Variants in CD99 observed in about 807,000 individuals in gnomAD.
CD99 encodes CD99 molecule (Xg blood group), also known as CD99 antigen.
CD99 carries 19 observed loss-of-function variants against 28.4 expected under a neutral mutation model. The observed-to-expected ratio is 0.67, with a 90% CI of 0.47 to 0.98. CD99 has a LOEUF of 0.98. Among genes scored for constraint, CD99 ranks in the 50% least tolerant of loss-of-function variants. The pLI is 0.00. For synonymous variants in CD99, 103 were observed against 92.1 expected (o/e 1.12, Z -0.67); for missense variants, 283 against 248.8 (o/e 1.14, Z -0.92).
intron 5 of CD99, among the ~76,000 whole-genome samples, chrX:2,721,899 A>G (rs931778865): frequency 3.9e-5 from 6 of 152,186 alleles, no homozygotes; most frequent in African/African-American, 1.4e-4. Flanking sequence ...CTTTGAAGAC[A>G]TTTCTAGCAT....
chrX:2,717,598 T>C lies in CD99; in HGVS notation c.101-7T>C, dbSNP rs755099142. ...CTTTTACTAACTGAAATATCTTATCTCTTTAGACAATGAAAACAAGAAACC... is the reference window on the plus strand; with the variant it reads ...CTTTTACTAACTGAAATATCTTATCCCTTTAGACAATGAAAACAAGAAACC... On this transcript the variant is annotated splice_polypyrimidine_tract_variant and splice_region_variant and intron_variant, in intron 2 of 9. Coordinates refer to ENST00000381192, the MANE Select transcript of CD99 (RefSeq NM_002414.5). The C allele has an allele frequency of 1.2e-6, 2 of 1,612,290 alleles. No homozygotes were observed. The highest frequency in any genetic ancestry group is 1.1e-5 in the South Asian group (1 of 91,046).
rs2049293631 is a variant in CD99 at position 2,726,519 on chromosome X, T to TC, written c.475+147dup. ...TCGTGAAACTGCTAAAATTCTGGAA[T>TC]CGAACCTTCTGGCTTTGATTTCAGG... On this transcript the variant is annotated intron_variant, in intron 8 of 9. Coordinates refer to ENST00000381192, the MANE Select transcript of CD99 (RefSeq NM_002414.5). 15 of 704,640 alleles carry TC rather than the reference T, an allele frequency of 2.1e-5. No homozygotes were observed. The South Asian group carries it at 2.2e-4, about 11-fold the overall frequency. The allele number at this position is 704,640 out of a possible 1,614,324, so 43.6% of individuals were successfully genotyped here. A position where few individuals can be genotyped will look rare whatever the true frequency, so the allele number is the denominator to read the frequency against.
intron 2 of CD99, 142 bp from the exon 3 acceptor site, chrX:2,717,463 C>T (rs1204232451): frequency 1.6e-5 from 11 of 681,986 alleles, no homozygotes; most frequent in South Asian, 7.3e-5. Flanking sequence ...AACCTCAGCT[C>T]GGTGTGGGCA....
intron 7 of CD99, 87 bp downstream of exon 7, chrX:2,723,451 C>A: frequency 1.4e-6 from 2 of 1,459,258 alleles, no homozygotes; most frequent in Non-Finnish European, 1.9e-6. Context: ...GCGGACTGCA[C>A]TGGCATTGGC....
chrX:2,738,383 C>T (rs779972819), intron 9 of CD99, 127 bp downstream of exon 9: 1 of 859,716 alleles, frequency 1.2e-6, no homozygotes, highest in Admixed American at 1.9e-5. Context: ...GAATGTCTTC[C>T]TTTATGTCTC....
intron 2 of CD99, among the ~76,000 whole-genome samples, chrX:2,717,220 C>T (rs758833203): frequency 5.0e-4 from 76 of 152,102 alleles, no homozygotes; most frequent in African/African-American, 1.8e-3. Flanking sequence ...TGATGGCATG[C>T]ACCTGTAAGC....
chrX:2,724,970 G>A lies in CD99; in HGVS notation c.362-1290G>A, dbSNP rs752564749. 2.0e-5 allele frequency among the ~76,000 whole-genome samples: 3 copies of A among 150,418 alleles called. No homozygotes were observed. In the East Asian group the frequency reaches 5.9e-4, roughly 29 times the overall value. ...CCAGCTACTTGGGAGGCTGAGGCAGGAGAATAGCTTGAACCCGGGACGCAG... is the reference window on the plus strand; with the variant it reads ...CCAGCTACTTGGGAGGCTGAGGCAGAAGAATAGCTTGAACCCGGGACGCAG... On this transcript the variant is annotated intron_variant, in intron 7 of 9. Transcript: ENST00000381192.
intron 1 of CD99, among the ~76,000 whole-genome samples, chrX:2,705,010 C>T (rs146743744): frequency 0.011 from 1,740 of 152,342 alleles, 12 homozygotes; most frequent in Non-Finnish European, 0.02. Context: ...CCACTGTACC[C>T]GGCCACCTAT....
Position 2,740,903 on chromosome X carries a change from G to T in CD99, c.*99G>T, listed in dbSNP as rs2050162017. ...ACACCTGCCTGAGAGCAGAGATGGA[G>T]GCCTTCTGTTCACGGCGGATTCTTT... On this transcript the variant is annotated 3_prime_UTR_variant, in exon 10 of 10. Transcript: ENST00000381192. 2 of 1,282,794 alleles carry T rather than the reference G, an allele frequency of 1.6e-6. No individual in the cohort carries two copies. Among genetic ancestry groups the T allele is most frequent in the Non-Finnish European group, 2.3e-6 (2 of 878,212 alleles). The allele number at this position is 1,282,794 out of a possible 1,614,324, so 79.5% of individuals were successfully genotyped here. A position where few individuals can be genotyped will look rare whatever the true frequency, so the allele number is the denominator to read the frequency against.
chrX:2,729,723 A>G (rs1016617379), intron 8 of CD99, among the ~76,000 whole-genome samples: 28 of 152,272 alleles, frequency 1.8e-4, no homozygotes, highest in African/African-American at 5.1e-4. Context: ...CTTTTCCTCT[A>G]CCTTATCCGC....
intron 3 of CD99, chrX:2,717,932 C>A: frequency 6.8e-6 from 2 of 293,548 alleles, no homozygotes; most frequent in Non-Finnish European, 1.2e-5. Context: ...TTTAGATTTT[C>A]TTCCCTTTTT....
chrX:2,728,960 A>T (rs1287392275), intron 8 of CD99, among the ~76,000 whole-genome samples: 1 of 150,574 alleles, frequency 6.6e-6, no homozygotes, highest in Non-Finnish European at 1.5e-5. Context: ...CCTCCGAAGT[A>T]ACTGGAATTA....
chrX:2,700,395 A>G (rs1483071574), intron 1 of CD99, among the ~76,000 whole-genome samples: 3 of 151,852 alleles, frequency 2.0e-5, no homozygotes, highest in Admixed American at 6.6e-5. Flanking sequence ...CCATCCAGCC[A>G]TGCATCCTCC....
intron 8 of CD99, among the ~76,000 whole-genome samples, chrX:2,729,794 G>A (rs911291627): frequency 6.6e-6 from 1 of 152,058 alleles, no homozygotes; most frequent in African/African-American, 2.4e-5. Flanking sequence ...TGCAGGAGGT[G>A]GGGCAGGCAT....
intron 1 of CD99, among the ~76,000 whole-genome samples, chrX:2,703,454 T>G (rs2047965755): frequency 6.6e-6 from 1 of 152,172 alleles, no homozygotes; most frequent in Non-Finnish European, 1.5e-5. Context: ...AAAACGCGCT[T>G]AGGTAGTGAT....
Position 2,714,446 on chromosome X carries a change from C to T in CD99, c.92C>T (p.Ala31Val). ...GATGGTGGTTTCGATTTATCCGATGCCCTTCCTGGTGAGTATCAACATCAT... is the reference window on the plus strand; with the variant it reads ...GATGGTGGTTTCGATTTATCCGATGTCCTTCCTGGTGAGTATCAACATCAT... ...APDGGFDLSD[A>V]LPDNENKKPT... Residue 31 changes from alanine (A) to valine (V), a missense_variant, in exon 2 of 10, where the codon GCC (alanine) becomes GTC (valine). By Grantham distance (64) the Ala-to-Val change is moderately conservative (BLOSUM62 0). Transcript: ENST00000381192. The T allele has an allele frequency of 6.2e-7, 1 of 1,600,130 alleles. No individual in the cohort carries two copies. The highest frequency in any genetic ancestry group is 8.6e-7 in the Non-Finnish European group (1 of 1,168,382).
intron 1 of CD99, among the ~76,000 whole-genome samples, chrX:2,711,390 GTATA>G (rs1422639770): frequency 7.2e-6 from 1 of 139,070 alleles, no homozygotes; most frequent in East Asian, 2.0e-4. Context: ...TATAGTATGT[GTATA>G]TATAGTATGT....
At chrX:2,732,542 T>C (rs1161373710) in intron 8 of CD99, among the ~76,000 whole-genome samples, 5 of 143,976 alleles carry the variant, frequency 3.5e-5, no homozygotes, top group African/African-American at 1.3e-4. Context: ...TTTCTCTTTC[T>C]TCCTTTGCCC....
intron 8 of CD99, among the ~76,000 whole-genome samples, chrX:2,726,926 A>T (rs1264191001): frequency 5.3e-5 from 8 of 152,110 alleles, no homozygotes; most frequent in Admixed American, 6.6e-5. Flanking sequence ...CGAGGTCAGG[A>T]GGAGATCGAG....
Sources: allele counts gnomAD v4.1 joint callset (sites outside exome capture counted in the v4.1 genomes callset), GRCh38; gene constraint gnomAD v4.1.1; transcripts MANE v1.5; gene names NCBI Gene and HGNC (gene_info 2026-07-23, HGNC 2026-07-21).